Variants in ANKIB1 observed in about 807,000 individuals in gnomAD.
ANKIB1 encodes the protein ankyrin repeat and IBR domain-containing protein 1.
A neutral mutation model predicts 122.1 loss-of-function variants in ANKIB1; 43 were observed. The observed-to-expected ratio is 0.35, with a 90% CI of 0.28 to 0.45. ANKIB1 has a LOEUF of 0.45. Ranked by LOEUF, ANKIB1 falls within the 20% of genes least tolerant of loss-of-function variation. The pLI, the probability that ANKIB1 is intolerant of heterozygous loss-of-function variation, is 1.00. For synonymous variants in ANKIB1, 390 were observed against 442.0 expected (o/e 0.88, Z 1.48); for missense variants, 992 against 1,329.5 (o/e 0.75, Z 3.95).
chr7:92,316,030 T>C (rs1259830033), intron 3 of ANKIB1, among the ~76,000 whole-genome samples: 1 of 152,168 alleles, frequency 6.6e-6, no homozygotes, highest in Non-Finnish European at 1.5e-5. Context: ...CCCCTACCCC[T>C]CTTCCTCTGG....
intron 2 of ANKIB1, among the ~76,000 whole-genome samples, chr7:92,303,522 T>C (rs1335010015): frequency 6.6e-6 from 1 of 151,898 alleles, no homozygotes; most frequent in Non-Finnish European, 1.5e-5. Context: ...GCTTTCAGAG[T>C]GGATGGACTC....
Position 92,371,583 on chromosome 7 carries a change from C to A in ANKIB1, c.1593C>A (p.Gly531=). Residue 531 remains glycine, a synonymous_variant, in exon 11 of 20, where the codon GGC becomes GGA. Coordinates refer to ENST00000265742, the MANE Select transcript of ANKIB1 (RefSeq NM_019004.2). The part of the protein sequence containing the change: ...NCKSPIQKNE[G]CNHMQCAKCK... ...AGTCTCCAATACAGAAGAATGAAGG[C>A]TGCAATCACATGCAGTGTGCTAAGG... 1 of 1,604,586 alleles carries A rather than the reference C, an allele frequency of 6.2e-7. No individual in the cohort carries two copies. Among genetic ancestry groups the A allele is most frequent in the Non-Finnish European group, 8.5e-7 (1 of 1,175,202 alleles).
intron 17 of ANKIB1, among the ~76,000 whole-genome samples, chr7:92,392,719 A>C (rs537932274): frequency 6.6e-6 from 1 of 152,236 alleles, no homozygotes; most frequent in East Asian, 1.9e-4. Flanking sequence ...GCTAAGGTGG[A>C]AAACTTGACT....
chr7:92,350,621 G>A (rs1803641489), intron 7 of ANKIB1, among the ~76,000 whole-genome samples: 1 of 152,160 alleles, frequency 6.6e-6, no homozygotes, highest in Non-Finnish European at 1.5e-5. Context: ...GCTTTGGGAG[G>A]CCAAGGCAGG....
intron 6 of ANKIB1, among the ~76,000 whole-genome samples, chr7:92,344,200 T>G (rs796325066): frequency 2.3e-3 from 142 of 62,050 alleles, no homozygotes; most frequent in Middle Eastern, 8.1e-3. Flanking sequence ...TTGGTTTTTT[T>G]TTTTTTTTTT....
rs199698195 is a variant in ANKIB1 at position 92,371,513 on chromosome 7, A to G, written c.1523A>G (p.Asn508Ser). Residue 508 changes from asparagine (N) to serine (S), a missense_variant, in exon 11 of 20, where the codon AAT becomes AGT. Asn to Ser is a conservative substitution (Grantham distance 46). Coordinates refer to ENST00000265742, the MANE Select transcript of ANKIB1 (RefSeq NM_019004.2). ...AGTGAAGCCTACGAGGATGCCGCCA[A>G]TTGTCTCTGGTTATTAACTAACTCC... Reference protein sequence around the residue: ...GVSEAYEDAANCLWLLTNSKP... With the variant: ...GVSEAYEDAASCLWLLTNSKP... The G allele has an allele frequency of 1.4e-4, 229 of 1,607,374 alleles. 3 individuals are homozygous for G. Among genetic ancestry groups the G allele is most frequent in the South Asian group, 1.4e-3 (124 of 89,446 alleles).
intron 1 of ANKIB1, among the ~76,000 whole-genome samples, 153 bp downstream of exon 1, chr7:92,246,672 C>T (rs1801059792): frequency 6.6e-6 from 1 of 152,208 alleles, no homozygotes; most frequent in African/African-American, 2.4e-5. Context: ...CTGTCCCCAT[C>T]CCTGAACAGG....
At chr7:92,398,117 TA>T in intron 19 of ANKIB1, 94 bp from the exon 20 acceptor site, 1 of 1,297,526 alleles carries the variant, frequency 7.7e-7, no homozygotes, top group Non-Finnish European at 1.0e-6. Context: ...ATAAAATTAA[TA>T]ATCTGTTGGT....
intron 1 of ANKIB1, among the ~76,000 whole-genome samples, chr7:92,263,869 T>C (rs964065986): frequency 6.6e-6 from 1 of 152,174 alleles, no homozygotes; most frequent in Non-Finnish European, 1.5e-5. Context: ...CTTAATATAG[T>C]TGGTCTCTGT....
At chr7:92,246,904 A>G (rs1443040050) in intron 1 of ANKIB1, among the ~76,000 whole-genome samples, 2 of 152,162 alleles carry the variant, frequency 1.3e-5, no homozygotes, top group Non-Finnish European at 2.9e-5. Context: ...TGAGAAGCGG[A>G]TGGGTAAAAG....
intron 11 of ANKIB1, among the ~76,000 whole-genome samples, chr7:92,380,517 T>G (rs965875763): frequency 2.0e-5 from 3 of 152,078 alleles, no homozygotes; most frequent in African/African-American, 4.8e-5. Context: ...CAGGTGCCCC[T>G]CTGAGACGAA....
intron 1 of ANKIB1, among the ~76,000 whole-genome samples, chr7:92,293,417 T>G (rs1289809758): frequency 2.0e-5 from 3 of 152,202 alleles, no homozygotes; most frequent in Non-Finnish European, 4.4e-5. Context: ...TTCAAACTCC[T>G]GGGTTCAAGT....
intron 1 of ANKIB1, among the ~76,000 whole-genome samples, chr7:92,290,696 T>C (rs1271131319): frequency 1.3e-5 from 2 of 152,124 alleles, no homozygotes; most frequent in Non-Finnish European, 2.9e-5. Context: ...TTTCTGGGAG[T>C]AGTTTGTTAA....
chr7:92,246,872 C>T (rs1801089159), intron 1 of ANKIB1, among the ~76,000 whole-genome samples: 1 of 152,194 alleles, frequency 6.6e-6, no homozygotes, highest in African/African-American at 2.4e-5. Context: ...GTTCTGCCGA[C>T]CTCGGGGGCT....
At position 92,315,381 on chromosome 7, in the gene ANKIB1, T is replaced by C. The variant is rs558310397; in HGVS notation, c.487-3949T>C. Among the ~76,000 whole-genome samples the C allele has an allele frequency of 2.0e-5, 3 of 152,296 alleles. No individual in the cohort carries two copies. The South Asian group carries it at 6.2e-4, about 32-fold the overall frequency. On this transcript the variant is annotated intron_variant, in intron 3 of 19. Coordinates refer to ENST00000265742, the MANE Select transcript of ANKIB1 (RefSeq NM_019004.2). ...AGGGAATAAAGAATATAGACACTCA[T>C]TTAGAATTTAGAATTGAGTGTTATC... is the stretch of plus-strand genomic sequence containing the variant.
At chr7:92,397,513 G>A (rs1265252932) in intron 18 of ANKIB1, among the ~76,000 whole-genome samples, 1 of 151,948 alleles carries the variant, frequency 6.6e-6, no homozygotes, top group Admixed American at 6.6e-5. Flanking sequence ...AAAAGTTACG[G>A]ATTTGAAGTG....
Position 92,396,494 on chromosome 7 carries a change from G to A in ANKIB1, c.2395+18G>A. 1.6e-6 allele frequency: 2 copies of A among 1,278,886 alleles called. No individual in the cohort carries two copies. Among genetic ancestry groups the A allele is most frequent in the Non-Finnish European group, 2.2e-6 (2 of 899,804 alleles). The allele number at this position is 1,278,886 out of a possible 1,614,324, so 79.2% of individuals were successfully genotyped here. ...CACTTTAGGTAAGTCCTTGCATTGA[G>A]TATGGTTTAATCTCATAGCTCCCCT... On this transcript the variant is annotated intron_variant, in intron 18 of 19. Transcript: ENST00000265742.
intron 3 of ANKIB1, 34 bp from the exon 4 acceptor site, chr7:92,319,296 G>A: frequency 7.4e-7 from 1 of 1,360,330 alleles, no homozygotes; most frequent in African/African-American, 1.5e-5. Flanking sequence ...ATTTGAACCT[G>A]TAGTTGCAAG....
At chr7:92,339,144 C>G (rs201714154) in intron 5 of ANKIB1, among the ~76,000 whole-genome samples, 2 of 144,926 alleles carry the variant, frequency 1.4e-5, no homozygotes, top group East Asian at 4.2e-4. Context: ...TGGGTTCATG[C>G]CATTCTCCTG....
Sources: gnomAD v4.1 joint callset for allele counts (sites outside exome capture counted in the v4.1 genomes callset) on GRCh38, gnomAD v4.1.1 for gene constraint, MANE v1.5 for transcripts, NCBI Gene and HGNC (gene_info 2026-07-23, HGNC 2026-07-21) for gene names.